Variants in ADGRV1 observed in about 807,000 individuals in gnomAD.
ADGRV1 encodes G-protein coupled receptor 98.
ADGRV1 carries 359 observed loss-of-function variants against 596.2 expected under a neutral mutation model. That is an observed-to-expected ratio of 0.60 (90% CI 0.55 to 0.66). The LOEUF (loss-of-function observed/expected upper bound fraction) is 0.66, where lower values mean the gene tolerates loss of function less well. Among genes scored for constraint, ADGRV1 ranks in the 30% least tolerant of loss-of-function variants. The pLI, the probability that ADGRV1 is intolerant of heterozygous loss-of-function variation, is 0.00. For synonymous variants in ADGRV1, 2,681 were observed against 2,679.2 expected (o/e 1.00, Z -0.02); for missense variants, 7,274 against 7,575.6 (o/e 0.96, Z 1.48).
At chr5:91,086,419 C>A (rs562032737) in intron 86 of ADGRV1, among the ~76,000 whole-genome samples, 1 of 152,154 alleles carries the variant, frequency 6.6e-6, no homozygotes, top group South Asian at 2.1e-4. Flanking sequence ...TTTCTTCTTC[C>A]TCTTGATACT....
In ADGRV1 at chr5:90,807,701, G is replaced by T; in HGVS notation, c.14936G>T (p.Gly4979Val). 1 of 1,608,116 alleles carries T rather than the reference G, an allele frequency of 6.2e-7. No individual in the cohort carries two copies. The highest frequency in any genetic ancestry group is 1.1e-5 in the South Asian group (1 of 90,390). ...WPEAFVLHLS[G>V]VQSSAPGGAQ... The stretch of plus-strand genomic sequence containing the variant: ...GAGGCCTTTGTTCTTCACCTATCAG[G>T]AGTGCAGAGCAGTGCTCCTGGCGGA... Residue 4979 changes from glycine (G) to valine (V), a missense_variant, in exon 73 of 90, where the codon GGA (glycine) becomes GTA (valine). Physicochemically the swap from Gly to Val is moderately radical, Grantham distance 109. Around this residue, in one of 5 missense-constraint regions of ADGRV1, gnomAD observed 1,874 missense variants for 1,970.2 expected, o/e 0.95. Coordinates refer to ENST00000405460, the MANE Select transcript of ADGRV1 (RefSeq NM_032119.4).
At chr5:90,767,618 A>G (rs917480865) in intron 59 of ADGRV1, among the ~76,000 whole-genome samples, 1 of 152,166 alleles carries the variant, frequency 6.6e-6, no homozygotes, top group African/African-American at 2.4e-5. Flanking sequence ...TTAAAAGCTC[A>G]GTAGGTGGTT....
At chr5:90,878,448 C>T (rs915459753) in intron 83 of ADGRV1, among the ~76,000 whole-genome samples, 1 of 152,148 alleles carries the variant, frequency 6.6e-6, no homozygotes, top group Non-Finnish European at 1.5e-5. Context: ...ACATGGAATT[C>T]GAAGGCTAAC....
chr5:91,162,442 C>T (rs1343088366), intron 89 of ADGRV1, among the ~76,000 whole-genome samples: 3 of 152,038 alleles, frequency 2.0e-5, no homozygotes, highest in African/African-American at 7.3e-5. Context: ...AAGGCAGTGA[C>T]CTGCTGCTCC....
At chr5:90,598,929 C>A (rs1240323026) in intron 1 of ADGRV1, among the ~76,000 whole-genome samples, 1 of 152,106 alleles carries the variant, frequency 6.6e-6, no homozygotes, top group Non-Finnish European at 1.5e-5. Flanking sequence ...ATCAATCTAA[C>A]CCTATTATCC....
chr5:90,805,396 G>A lies in ADGRV1; in HGVS notation c.14774G>A (p.Gly4925Glu). 6.2e-7 allele frequency: 1 copy of A among 1,608,828 alleles called. No homozygotes were observed. Reference protein sequence around the residue: ...YGALSVAWTTGYAPGLEIPEF... With the variant: ...YGALSVAWTTEYAPGLEIPEF... ...GCTCTCTCGGTTGCCTGGACCACTG[G>A]ATATGCTCCTGGGTTAGAAATTCCT... The change falls in exon 72 of 90, where the codon GGA becomes GAA. Residue 4925 changes from glycine to glutamate, a missense_variant. By Grantham distance (98) the Gly-to-Glu change is moderately conservative (BLOSUM62 -2). Around this residue, in one of 5 missense-constraint regions of ADGRV1, gnomAD observed 1,874 missense variants for 1,970.2 expected, o/e 0.95. Coordinates refer to ENST00000405460, the MANE Select transcript of ADGRV1 (RefSeq NM_032119.4).
Position 90,573,783 on chromosome 5 carries a change from G to A in ADGRV1, c.22+14866G>A, listed in dbSNP as rs190775674. Among the ~76,000 whole-genome samples the A allele has an allele frequency of 4.8e-3, 731 of 152,110 alleles. 4 individuals are homozygous for A. Among genetic ancestry groups the A allele is most frequent in the Non-Finnish European group, 8.0e-3 (540 of 67,918 alleles). On this transcript the variant is annotated intron_variant, in intron 1 of 89. Coordinates refer to ENST00000405460, the MANE Select transcript of ADGRV1 (RefSeq NM_032119.4). ...CACTTGATTGAGAACTGGGCATTAA[G>A]TAAAAATTAAGTCCCATTTACCAAA...
rs542235919 is a variant in ADGRV1, at chr5:90,708,401, T to C, written c.8731-415T>C. On this transcript the variant is annotated intron_variant, in intron 38 of 89. Transcript: ENST00000405460. ...AATTTAAGTAACTTACTTAAAATTA[T>C]AGAATTTGGTACTAGGCCTCCTTGA... 2.2e-3 allele frequency among the ~76,000 whole-genome samples: 333 copies of C among 151,106 alleles called. 1 individual carries two copies. Among genetic ancestry groups the C allele is most frequent in the Non-Finnish European group, 3.7e-3 (253 of 67,816 alleles).
intron 79 of ADGRV1, among the ~76,000 whole-genome samples, chr5:90,852,209 G>A (rs1185185526): frequency 1.3e-5 from 2 of 152,140 alleles, no homozygotes; most frequent in Admixed American, 6.5e-5. Flanking sequence ...TGAGGTTACA[G>A]AGGAGATTTT....
Position 90,791,158 on chromosome 5 carries a change from C to T in ADGRV1, c.14329C>T (p.Gln4777Ter), listed in dbSNP as rs1474343714. The T allele has an allele frequency of 2.5e-6, 4 of 1,613,808 alleles. No homozygotes were observed. The highest frequency in any genetic ancestry group is 2.5e-6 in the Non-Finnish European group (3 of 1,179,882). ...YSDRQSILIG[Q>*]NLIRSIQINI... is the part of the protein sequence containing the mutation. ...GGATCGCCAGTCAATACTTATTGGG[C>T]AGAACCTTATTAGATCCATCCAAAT... Residue 4777 changes from glutamine to a stop codon, truncating the protein, a stop_gained, in exon 70 of 90, where the codon CAG (glutamine) becomes TAG (stop). Transcript: ENST00000405460. LOFTEE classifies it high-confidence loss of function.
chr5:91,031,584 C>G (rs933008511), intron 85 of ADGRV1, among the ~76,000 whole-genome samples: 1 of 152,144 alleles, frequency 6.6e-6, no homozygotes, highest in Non-Finnish European at 1.5e-5. Context: ...AGGTCACACC[C>G]CACTCCTGAG....
chr5:90,684,204 C>A lies in ADGRV1; in HGVS notation c.6274+9C>A. ...AGTACAGAGTCGTTCAAGTAAGTAT[C>A]CCTTAGTGTGTTATTATTATTATTA... is the stretch of plus-strand genomic sequence containing the variant. On this transcript the variant is annotated intron_variant, in intron 28 of 89. Coordinates refer to ENST00000405460, the MANE Select transcript of ADGRV1 (RefSeq NM_032119.4). 6.3e-7 allele frequency: 1 copy of A among 1,584,910 alleles called. No individual in the cohort carries two copies. The highest frequency in any genetic ancestry group is 8.6e-7 in the Non-Finnish European group (1 of 1,164,720).
At chr5:90,961,273 G>A (rs1777985428) in intron 83 of ADGRV1, among the ~76,000 whole-genome samples, 1 of 152,028 alleles carries the variant, frequency 6.6e-6, no homozygotes, top group African/African-American at 2.4e-5. Context: ...GGCCGAAGCG[G>A]GCGGATCATG....
intron 83 of ADGRV1, among the ~76,000 whole-genome samples, chr5:90,914,287 A>G (rs1773150692): frequency 6.6e-6 from 1 of 152,192 alleles, no homozygotes; most frequent in Non-Finnish European, 1.5e-5. Flanking sequence ...TTTTCAGGTT[A>G]GGGATACTCA....
chr5:90,657,592 G>A (rs1769602803), intron 20 of ADGRV1, among the ~76,000 whole-genome samples: 1 of 152,130 alleles, frequency 6.6e-6, no homozygotes, highest in African/African-American at 2.4e-5. Flanking sequence ...GTATGTGTGT[G>A]TATGTGTATG....
chr5:90,840,973 T>C lies in ADGRV1; in HGVS notation c.17007T>C (p.His5669=). 7.2e-7 allele frequency: 1 copy of C among 1,388,658 alleles called. No individual in the cohort carries two copies. The highest frequency in any genetic ancestry group is 9.4e-7 in the Non-Finnish European group (1 of 1,064,132). The allele number at this position is 1,388,658 out of a possible 1,614,324, so 86.0% of individuals were successfully genotyped here. Residue 5669 remains histidine (H), a synonymous_variant, in exon 78 of 90, where the codon CAT becomes CAC. Coordinates refer to ENST00000405460, the MANE Select transcript of ADGRV1 (RefSeq NM_032119.4). ...NTDEQLSAMM[H]LIEKITTEGK... The stretch of plus-strand genomic sequence containing the variant: ...ATGAACAACTCAGTGCCATGATGCA[T>C]TTAATAGAAAAGGTAAGTTTTTGTG...
intron 77 of ADGRV1, among the ~76,000 whole-genome samples, chr5:90,836,079 A>G (rs7714327): frequency 0.12 from 17,611 of 152,198 alleles, 2,089 homozygotes; most frequent in African/African-American, 0.31. Flanking sequence ...AATCCATGAC[A>G]ATACCAAATG....
At position 90,674,228 on chromosome 5, in the gene ADGRV1, C is replaced by T. The variant is rs535038304; in HGVS notation, c.5104C>T (p.Pro1702Ser). 6.1e-5 allele frequency: 98 copies of T among 1,594,292 alleles called. 1 individual carries two copies. In the South Asian group the frequency reaches 1.1e-3, roughly 18 times the overall value. Reference protein sequence around the residue: ...TDITIKASDHPYGLLQFSTGL... With the variant: ...TDITIKASDHSYGLLQFSTGL... ...TATCACCATCAAAGCTAGTGATCATCCATATGGTAACCTGCTCCTTTTGCA... is the reference window on the plus strand; with the variant it reads ...TATCACCATCAAAGCTAGTGATCATTCATATGGTAACCTGCTCCTTTTGCA... The change falls in exon 23 of 90, where the codon CCA becomes TCA. Residue 1702 changes from proline (P) to serine (S), a missense_variant. Pro to Ser is a moderately conservative substitution (Grantham distance 74). Around this residue, in one of 5 missense-constraint regions of ADGRV1, gnomAD observed 3,643 missense variants for 3,809.2 expected, o/e 0.96. Transcript: ENST00000405460.
rs868006172 is a variant in ADGRV1, at chr5:90,729,870, A to T, written c.10549+106A>T. ...AGTATCACATTGCCAGACACTGGGT[A>T]TTTTTTTTTTTTTGGAGATGGGGTC... On this transcript the variant is annotated intron_variant, in intron 50 of 89. Transcript: ENST00000405460. 598 of 934,428 alleles carry T rather than the reference A, an allele frequency of 6.4e-4. 5 individuals are homozygous for T. In the African/African-American group the frequency reaches 8.3e-3, roughly 13 times the overall value. 57.9% of individuals were successfully genotyped at this position (934,428 alleles called of 1,614,324 possible). A position where few individuals can be genotyped will look rare whatever the true frequency, so the allele number is the denominator to read the frequency against.
Sources: gnomAD v4.1 joint callset for allele counts (sites outside exome capture counted in the v4.1 genomes callset) on GRCh38, gnomAD v4.1.1 for gene constraint, gnomAD v4.1.1 regional missense constraint, MANE v1.5 for transcripts, NCBI Gene and HGNC (gene_info 2026-07-23, HGNC 2026-07-21) for gene names.